The following LCLAT1 variants were observed in gnomAD, a reference collection of about 807,000 sequenced individuals.
LCLAT1 encodes the protein 1-AGP acyltransferase 8.
Under a neutral mutation model 30.7 loss-of-function variants are expected in LCLAT1, and 11 were observed. The observed-to-expected ratio is 0.36, with a 90% confidence interval of 0.23 to 0.59. The LOEUF is 0.59. Ranked by LOEUF, LCLAT1 falls within the 20% of genes least tolerant of loss-of-function variation. The pLI, the probability that LCLAT1 is intolerant of heterozygous loss-of-function variation, is 0.77. For missense variants in LCLAT1, 402 were observed against 458.6 expected, an observed-to-expected ratio of 0.88 and a Z score of 1.13; for synonymous variants, 155 against 151.3, an observed-to-expected ratio of 1.02 and a Z score of -0.18.
chr2:30,605,598 C>A (rs112197032), intron 5 of LCLAT1, among the ~76,000 whole-genome samples: 1 of 152,268 alleles, frequency 6.6e-6, no homozygotes, highest in African/African-American at 2.4e-5. Flanking sequence ...TAAAAGAATT[C>A]TGAGAAAGCT....
At chr2:30,568,862 A>G (rs1665637959) in intron 5 of LCLAT1, among the ~76,000 whole-genome samples, 2 of 130,260 alleles carry the variant, frequency 1.5e-5, no homozygotes, top group South Asian at 5.4e-4. Flanking sequence ...AATCATGAAT[A>G]GCAAAAAAAA....
At chr2:30,556,089 C>G (rs1438277386) in intron 3 of LCLAT1, among the ~76,000 whole-genome samples, 3 of 151,870 alleles carry the variant, frequency 2.0e-5, no homozygotes, top group Non-Finnish European at 4.4e-5. Flanking sequence ...CCACCGTGAC[C>G]GGCAACAAAC....
At chr2:30,549,259 T>C (rs1390751057) in intron 3 of LCLAT1, among the ~76,000 whole-genome samples, 5 of 152,188 alleles carry the variant, frequency 3.3e-5, no homozygotes, top group Non-Finnish European at 4.4e-5. Flanking sequence ...GTTACCTAAA[T>C]TGGATATCCT....
intron 1 of LCLAT1, among the ~76,000 whole-genome samples, chr2:30,471,513 A>C (rs1682793093): frequency 6.6e-6 from 1 of 152,276 alleles, no homozygotes; most frequent in African/African-American, 2.4e-5. Flanking sequence ...CCTGGCCAGT[A>C]TTGTCTTTTA....
At chr2:30,558,090 A>AGTTTGG (rs1665016764) in intron 3 of LCLAT1, among the ~76,000 whole-genome samples, 2 of 152,218 alleles carry the variant, frequency 1.3e-5, no homozygotes, top group South Asian at 4.1e-4. Flanking sequence ...TGGGATAGGC[A>AGTTTGG]GAGATTCCTT....
chr2:30,487,856 G>A (rs1214067553), intron 1 of LCLAT1, among the ~76,000 whole-genome samples: 1 of 152,174 alleles, frequency 6.6e-6, no homozygotes, highest in Non-Finnish European at 1.5e-5. Flanking sequence ...AGTCCTGTCT[G>A]AGAGAGTGAC....
At chr2:30,533,486 A>G (rs1686081454) in intron 3 of LCLAT1, among the ~76,000 whole-genome samples, 172 bp downstream of exon 3, 1 of 152,140 alleles carries the variant, frequency 6.6e-6, no homozygotes, top group Admixed American at 6.5e-5. Flanking sequence ...CTTTATTTTA[A>G]TCTGTTTTTA....
intron 5 of LCLAT1, among the ~76,000 whole-genome samples, chr2:30,591,705 T>A (rs2148478812): frequency 6.6e-6 from 1 of 152,302 alleles, no homozygotes; most frequent in African/African-American, 2.4e-5. Flanking sequence ...CCTAATAGAC[T>A]AGAGCCCACA....
chr2:30,616,878 T>C (rs539491196), intron 5 of LCLAT1, among the ~76,000 whole-genome samples: 4 of 152,244 alleles, frequency 2.6e-5, no homozygotes, highest in South Asian at 4.1e-4. Flanking sequence ...AATAAATTTG[T>C]TTCAAACTCT....
At chr2:30,580,066 T>G (rs1429588893) in intron 5 of LCLAT1, among the ~76,000 whole-genome samples, 1 of 152,158 alleles carries the variant, frequency 6.6e-6, no homozygotes, top group African/African-American at 2.4e-5. Context: ...AGCGAGGTAT[T>G]TACAGACTAT....
At chr2:30,552,520 C>A in intron 3 of LCLAT1, 1 of 449,448 alleles carries the variant, frequency 2.2e-6, no homozygotes, top group South Asian at 1.6e-5. Flanking sequence ...CCTAATGATA[C>A]AGGCATACTA....
chr2:30,506,017 C>G (rs958754746), intron 1 of LCLAT1, among the ~76,000 whole-genome samples: 1 of 152,098 alleles, frequency 6.6e-6, no homozygotes, highest in South Asian at 2.1e-4. Context: ...AATCCATTAA[C>G]GGTTCAGAGT....
chr2:30,558,011 T>A (rs948959032), intron 3 of LCLAT1, among the ~76,000 whole-genome samples: 5 of 152,144 alleles, frequency 3.3e-5, no homozygotes, highest in African/African-American at 4.8e-5. Context: ...AATGTATCAA[T>A]CATGAACTAG....
chr2:30,523,930 C>G (rs946417655), intron 1 of LCLAT1, among the ~76,000 whole-genome samples: 4 of 152,106 alleles, frequency 2.6e-5, no homozygotes, highest in South Asian at 2.1e-4. Flanking sequence ...GGGATTTGAC[C>G]TGTTTTGTTG....
intron 1 of LCLAT1, among the ~76,000 whole-genome samples, chr2:30,505,912 A>G (rs1014575901): frequency 3.3e-5 from 5 of 152,056 alleles, no homozygotes; most frequent in South Asian, 2.1e-4. Context: ...GTAATAAGAG[A>G]TAAGTTGTGT....
chr2:30,569,610 A>C (rs1665680726), intron 5 of LCLAT1, among the ~76,000 whole-genome samples: 1 of 43,942 alleles, frequency 2.3e-5, no homozygotes, highest in African/African-American at 7.9e-5. Context: ...AAAAGGTATG[A>C]AGTTCTTTCC....
At chr2:30,599,052 G>A (rs980168270) in intron 5 of LCLAT1, among the ~76,000 whole-genome samples, 7 of 151,240 alleles carry the variant, frequency 4.6e-5, no homozygotes, top group African/African-American at 1.2e-4. Context: ...GCGTGATCTC[G>A]GCTCACTGCA....
At chr2:30,593,355 T>C (rs913433161) in intron 5 of LCLAT1, among the ~76,000 whole-genome samples, 8 of 152,232 alleles carry the variant, frequency 5.3e-5, no homozygotes, top group Admixed American at 4.6e-4. Context: ...TTGTGAATAG[T>C]GCTGCAATAA....
In LCLAT1 at chr2:30,525,625, CTCT is replaced by C. The variant is rs1558496739; in HGVS notation, c.36_38del (p.Leu13del). The stretch of plus-strand genomic sequence containing the variant: ...TGGAAAGGGATTTACTTTATACTGA[CTCT>C]GTTTTGGGGAAGCTTTTTTGGAAGC... On this transcript the variant is annotated inframe_deletion, in exon 2 of 6. Coordinates refer to ENST00000379509, the MANE Select transcript of LCLAT1 (RefSeq NM_001002257.3). 6.2e-7 allele frequency: 1 copy of C among 1,613,828 alleles called. No homozygotes were observed. Among genetic ancestry groups the C allele is most frequent in the Non-Finnish European group, 8.5e-7 (1 of 1,179,736 alleles).
Sources: allele counts gnomAD v4.1 joint callset (sites outside exome capture counted in the v4.1 genomes callset), GRCh38; gene constraint gnomAD v4.1.1; transcripts MANE v1.5; gene names NCBI Gene and HGNC (gene_info 2026-07-23, HGNC 2026-07-21).